CTNNA3: variants seen among roughly 807,000 people sequenced by gnomAD.
CTNNA3 encodes the protein catenin alpha-3.
A neutral mutation model predicts 95.7 loss-of-function variants in CTNNA3; 76 were observed. The observed-to-expected ratio is 0.79, with a 90% confidence interval of 0.66 to 0.96. The LOEUF is 0.96. Ranked by LOEUF, CTNNA3 falls within the 40% of genes least tolerant of loss-of-function variation. CTNNA3 has a pLI of 0.00. For missense variants in CTNNA3, 1,191 were observed against 1,089.8 expected (o/e 1.09, Z -1.31); for synonymous variants, 431 against 374.4 (o/e 1.15, Z -1.74).
At chr10:67,548,567 T>C (rs1400632974) in intron 3 of CTNNA3, among the ~76,000 whole-genome samples, 1 of 152,146 alleles carries the variant, frequency 6.6e-6, no homozygotes, top group Non-Finnish European at 1.5e-5. Context: ...GAAGCTATAA[T>C]AACCAATAGA....
intron 15 of CTNNA3, among the ~76,000 whole-genome samples, chr10:65,995,804 G>A (rs2078644818): frequency 6.6e-6 from 1 of 152,162 alleles, no homozygotes; most frequent in African/African-American, 2.4e-5. Flanking sequence ...CTGCGCTTAA[G>A]CACCTGAAAT....
At chr10:66,988,843 G>T (rs1172761801) in intron 7 of CTNNA3, among the ~76,000 whole-genome samples, 3 of 151,442 alleles carry the variant, frequency 2.0e-5, no homozygotes, top group African/African-American at 7.3e-5. Flanking sequence ...CTGAAACTCT[G>T]CCCTCCTCCC....
At chr10:67,168,324 C>G (rs977662178) in intron 7 of CTNNA3, among the ~76,000 whole-genome samples, 13 of 151,908 alleles carry the variant, frequency 8.6e-5, no homozygotes, top group African/African-American at 2.9e-4. Flanking sequence ...AGCAGAGACA[C>G]AACAAAAAAA....
intron 13 of CTNNA3, among the ~76,000 whole-genome samples, chr10:66,248,334 G>A (rs1305161558): frequency 3.8e-5 from 5 of 131,414 alleles, no homozygotes; most frequent in Non-Finnish European, 3.3e-5. Flanking sequence ...AAGAAAAGAA[G>A]AAAGAGAAAA....
At chr10:66,354,611 G>A (rs1164512640) in intron 12 of CTNNA3, among the ~76,000 whole-genome samples, 3 of 152,128 alleles carry the variant, frequency 2.0e-5, no homozygotes, top group East Asian at 3.9e-4. Context: ...CGTTGAAAAT[G>A]CCTCCTCTTT....
At chr10:67,656,209 T>C (rs372261607) in intron 1 of CTNNA3, among the ~76,000 whole-genome samples, 2 of 152,236 alleles carry the variant, frequency 1.3e-5, no homozygotes, top group South Asian at 2.1e-4. Flanking sequence ...CAAAAGGATC[T>C]GAGGTTTGTC....
chr10:67,078,518 TA>T (rs200689535), intron 7 of CTNNA3, among the ~76,000 whole-genome samples: 2,347 of 149,588 alleles, frequency 0.016, 61 homozygotes, highest in African/African-American at 0.055. Context: ...ATACCTTTTT[TA>T]TTATTATTAT....
Position 66,746,701 on chromosome 10 carries a change from T to C in CTNNA3, c.1281+19563A>G, listed in dbSNP as rs532141081. Among the ~76,000 whole-genome samples the C allele has an allele frequency of 8.4e-4, 127 of 152,052 alleles. 3 individuals carry two copies. The highest frequency in any genetic ancestry group is 3.9e-4 in the Admixed American group (6 of 15,254). On this transcript the variant is annotated intron_variant, in intron 9 of 17. Coordinates refer to ENST00000433211, the MANE Select transcript of CTNNA3 (RefSeq NM_013266.4). ...CCTTCTATGTCTCTCTACACAAAAATTGTGGTAGAGAGAGAGAGAGATGAA... is the reference window on the plus strand; with the variant it reads ...CCTTCTATGTCTCTCTACACAAAAACTGTGGTAGAGAGAGAGAGAGATGAA...
chr10:66,650,530 TG>T (rs1845856910), intron 9 of CTNNA3, among the ~76,000 whole-genome samples: 2 of 152,218 alleles, frequency 1.3e-5, no homozygotes, highest in Admixed American at 6.5e-5. Context: ...GGTGGGTTCT[TG>T]GTCTCGCTGA....
At chr10:66,309,096 T>C (rs1017024244) in intron 12 of CTNNA3, among the ~76,000 whole-genome samples, 1 of 152,186 alleles carries the variant, frequency 6.6e-6, no homozygotes, top group Non-Finnish European at 1.5e-5. Flanking sequence ...ATCACTCACG[T>C]CTACTTAAGA....
At chr10:66,457,789 A>G (rs1464374970) in intron 11 of CTNNA3, among the ~76,000 whole-genome samples, 5 of 152,110 alleles carry the variant, frequency 3.3e-5, no homozygotes, top group Non-Finnish European at 5.9e-5. Flanking sequence ...CAGTAGTGGG[A>G]GCAACCTGCT....
intron 1 of CTNNA3, among the ~76,000 whole-genome samples, chr10:67,720,129 C>CTGTTTTTTTTTTTTTTTTTTT (rs1841170774): frequency 3.0e-4 from 2 of 6,614 alleles, no homozygotes; most frequent in Admixed American, 1.8e-3. Flanking sequence ...GCAACCCCTG[C>CTGTTTTTTTTTTTTTTTTTTT]TTTTTTTTTT....
chr10:66,223,346 T>C (rs188850077), intron 13 of CTNNA3, among the ~76,000 whole-genome samples: 1 of 152,302 alleles, frequency 6.6e-6, no homozygotes, highest in East Asian at 1.9e-4. Flanking sequence ...CATTTGTACA[T>C]TTTTATAGCA....
intron 3 of CTNNA3, among the ~76,000 whole-genome samples, chr10:67,583,369 G>T (rs1157191129): frequency 6.6e-6 from 1 of 152,170 alleles, no homozygotes; most frequent in Non-Finnish European, 1.5e-5. Context: ...TTTTCTTTAA[G>T]AATGTTGAAT....
intron 1 of CTNNA3, among the ~76,000 whole-genome samples, chr10:67,689,335 C>T (rs1442153923): frequency 6.6e-6 from 1 of 152,132 alleles, no homozygotes; most frequent in African/African-American, 2.4e-5. Context: ...TCCAGATAGT[C>T]CCTTGCCCAG....
rs1219105532 is a variant in CTNNA3, at chr10:66,131,080, AAAG to A, written c.1885-27834_1885-27832del. Among the ~76,000 whole-genome samples the A allele has an allele frequency of 9.2e-5, 14 of 151,396 alleles. No individual in the cohort carries two copies. In the South Asian group the frequency reaches 1.0e-3, roughly 11 times the overall value. ...AAATTGCCTACCAAAAAAAAAAAAA[AAAG>A]AAGAAGAAGAAAAGCCCTGGACCAG... On this transcript the variant is annotated intron_variant, in intron 13 of 17. Transcript: ENST00000433211.
At chr10:66,792,956 A>T (rs867296908) in intron 7 of CTNNA3, among the ~76,000 whole-genome samples, 3 of 152,178 alleles carry the variant, frequency 2.0e-5, no homozygotes, top group African/African-American at 7.2e-5. Context: ...AGACAAAAAA[A>T]TCTTAATAAA....
chr10:67,410,337 C>A (rs1409891063), intron 5 of CTNNA3, among the ~76,000 whole-genome samples: 5 of 152,016 alleles, frequency 3.3e-5, no homozygotes. Context: ...GAACAACACA[C>A]ACTGGGTCCT....
chr10:66,624,597 C>A (rs1329017041), intron 9 of CTNNA3, among the ~76,000 whole-genome samples: 3 of 151,930 alleles, frequency 2.0e-5, no homozygotes, highest in African/African-American at 7.3e-5. Flanking sequence ...GGTCCCCAGA[C>A]AAAATGATTA....
Sources: gnomAD v4.1 joint callset for allele counts (sites outside exome capture counted in the v4.1 genomes callset) on GRCh38, gnomAD v4.1.1 for gene constraint, MANE v1.5 for transcripts, NCBI Gene and HGNC (gene_info 2026-07-23, HGNC 2026-07-21) for gene names.